Variants in GNB4 observed in about 807,000 individuals in gnomAD.
GNB4 encodes the protein guanine nucleotide-binding protein subunit beta-4.
GNB4 carries 28 observed loss-of-function variants against 45.2 expected under a neutral mutation model. The observed-to-expected ratio is 0.62, with a 90% CI of 0.46 to 0.85. The LOEUF is 0.85. GNB4 is among the 40% of genes least tolerant of loss of function. The pLI is 0.00. For synonymous variants in GNB4, 132 were observed against 143.7 expected, an observed-to-expected ratio of 0.92 and a Z score of 0.58; for missense variants, 321 against 425.4, an observed-to-expected ratio of 0.75 and a Z score of 2.16.
the GNB4 span, among the ~76,000 whole-genome samples, chr3:179,485,011 T>G: frequency 0.013 from 822 of 64,568 alleles, 8 homozygotes; most frequent in East Asian, 0.055. Context: ...TTTTGTTTTT[T>G]TTTTTTTTTT....
the GNB4 span, among the ~76,000 whole-genome samples, chr3:179,479,069 T>G: frequency 6.6e-6 from 1 of 152,196 alleles, no homozygotes; most frequent in Non-Finnish European, 1.5e-5. Flanking sequence ...TATTTATAAA[T>G]TACCCAGTCT....
chr3:179,482,760 ACT>A, the GNB4 span, among the ~76,000 whole-genome samples: 1 of 151,912 alleles, frequency 6.6e-6, no homozygotes, highest in Non-Finnish European at 1.5e-5. Context: ...GCTTTTCATG[ACT>A]CTCTCTTTTG....
the GNB4 span, among the ~76,000 whole-genome samples, chr3:179,504,617 G>C: frequency 6.6e-6 from 1 of 152,184 alleles, no homozygotes; most frequent in Non-Finnish European, 1.5e-5. Context: ...CAGGTATTTG[G>C]AGGACACAGA....
At chr3:179,481,703 T>G in the GNB4 span, among the ~76,000 whole-genome samples, 1 of 152,170 alleles carries the variant, frequency 6.6e-6, no homozygotes, top group Non-Finnish European at 1.5e-5. Context: ...AAAAGAATGA[T>G]TTAATTAATA....
At chr3:179,494,308 AG>A in the GNB4 span, among the ~76,000 whole-genome samples, 1 of 152,060 alleles carries the variant, frequency 6.6e-6, no homozygotes, top group African/African-American at 2.4e-5. Context: ...AGAGGAAGGA[AG>A]GAAGGAAAGA....
chr3:179,402,125 A>G (rs1477989486), intron 9 of GNB4, among the ~76,000 whole-genome samples: 2 of 152,228 alleles, frequency 1.3e-5, no homozygotes, highest in Non-Finnish European at 2.9e-5. Flanking sequence ...CAGTATGGCC[A>G]TGTTTGGCAA....
chr3:179,503,897 T>G, the GNB4 span, among the ~76,000 whole-genome samples: 2 of 152,232 alleles, frequency 1.3e-5, no homozygotes, highest in Non-Finnish European at 2.9e-5. Flanking sequence ...TTCAAAATAC[T>G]ACTCCTGAGC....
intron 8 of GNB4, among the ~76,000 whole-genome samples, chr3:179,408,816 CA>C (rs148677573): frequency 7.6e-4 from 105 of 137,574 alleles, no homozygotes; most frequent in African/African-American, 1.7e-3. Context: ...GAAAGAAACT[CA>C]AAAAAAAAAA....
the GNB4 span, among the ~76,000 whole-genome samples, chr3:179,496,335 A>G: frequency 6.6e-6 from 1 of 152,162 alleles, no homozygotes; most frequent in Non-Finnish European, 1.5e-5. Context: ...CATAAAGGGA[A>G]TGAAATCAGA....
intron 4 of GNB4, 137 bp downstream of exon 4, chr3:179,419,262 A>T: frequency 3.0e-6 from 2 of 670,376 alleles, no homozygotes; most frequent in Admixed American, 2.7e-5. Flanking sequence ...TGAAAGCAGC[A>T]TGTTCATCTG....
the GNB4 span, among the ~76,000 whole-genome samples, chr3:179,483,142 T>A: frequency 6.6e-6 from 1 of 152,194 alleles, no homozygotes; most frequent in African/African-American, 2.4e-5. Flanking sequence ...TTTTTCTTTA[T>A]TTCCTTTATT....
intron 1 of GNB4, among the ~76,000 whole-genome samples, chr3:179,446,857 C>T (rs543769691): frequency 3.3e-4 from 50 of 152,158 alleles, no homozygotes; most frequent in Admixed American, 5.2e-4. Flanking sequence ...TAAGATACAA[C>T]AAATATTAAT....
At chr3:179,404,695 T>C (rs970023178) in intron 9 of GNB4, among the ~76,000 whole-genome samples, 15 of 152,166 alleles carry the variant, frequency 9.9e-5, no homozygotes, top group African/African-American at 3.6e-4. Flanking sequence ...TAAAAATAGC[T>C]AAAAATTACT....
At chr3:179,476,315 A>G in the GNB4 span, among the ~76,000 whole-genome samples, 1 of 152,236 alleles carries the variant, frequency 6.6e-6, no homozygotes, top group Non-Finnish European at 1.5e-5. Flanking sequence ...TTGACCCTAT[A>G]TCCTGCAACC....
rs1435529045 is a variant in GNB4 at position 179,397,514 on chromosome 3, T to A, written c.*3699A>T. The A allele has an allele frequency of 1.3e-5, 2 of 152,472 alleles. No individual in the cohort carries two copies. Among genetic ancestry groups the A allele is most frequent in the South Asian group, 2.1e-4 (1 of 4,830 alleles). The allele number at this position is 152,472 out of a possible 1,614,324, so 9.4% of individuals were successfully genotyped here. On this transcript the variant is annotated 3_prime_UTR_variant, in exon 10 of 10. Coordinates refer to ENST00000232564, the MANE Select transcript of GNB4 (RefSeq NM_021629.4). ...CTATCATGCAATCGCTGAGGTCATATGAGTCTAAAATGAAGGGAATTGCTG... is the reference window on the plus strand; with the variant it reads ...CTATCATGCAATCGCTGAGGTCATAAGAGTCTAAAATGAAGGGAATTGCTG...
At chr3:179,462,903 G>A in the GNB4 span, among the ~76,000 whole-genome samples, 1 of 152,064 alleles carries the variant, frequency 6.6e-6, no homozygotes, top group Non-Finnish European at 1.5e-5. Flanking sequence ...ATCATTTTAA[G>A]TAAAAAGATT....
intron 8 of GNB4, among the ~76,000 whole-genome samples, chr3:179,411,616 A>T (rs1426110440): frequency 2.0e-5 from 3 of 152,324 alleles, no homozygotes; most frequent in East Asian, 3.9e-4. Context: ...ATTATGAGAG[A>T]ACATCTCAAC....
the GNB4 span, among the ~76,000 whole-genome samples, chr3:179,517,899 T>C: frequency 1.3e-5 from 2 of 152,114 alleles, no homozygotes; most frequent in Non-Finnish European, 2.9e-5. Context: ...TGTCTGACCA[T>C]GTGGGGACGC....
intron 9 of GNB4, among the ~76,000 whole-genome samples, chr3:179,403,382 CTT>C (rs1714364243): frequency 6.6e-6 from 1 of 151,808 alleles, no homozygotes; most frequent in Non-Finnish European, 1.5e-5. Flanking sequence ...AATAATAGCT[CTT>C]AAGTTAAAAA....
Sources: gnomAD v4.1 joint callset for allele counts (sites outside exome capture counted in the v4.1 genomes callset) on GRCh38, gnomAD v4.1.1 for gene constraint, MANE v1.5 for transcripts, NCBI Gene and HGNC (gene_info 2026-07-23, HGNC 2026-07-21) for gene names.